RRP7A: variants seen among roughly 807,000 people sequenced by gnomAD.
RRP7A encodes ribosomal RNA-processing protein 7 homolog A.
Under a neutral mutation model 38.4 loss-of-function variants are expected in RRP7A, and 27 were observed. The observed-to-expected ratio is 0.70, with a 90% CI of 0.52 to 0.97. The LOEUF is 0.97. RRP7A is among the 50% of genes least tolerant of loss of function. RRP7A has a pLI of 0.00. For missense variants in RRP7A, 327 were observed against 375.4 expected (o/e 0.87, Z 1.07); for synonymous variants, 124 against 150.3 (o/e 0.83, Z 1.28).
Position 42,508,843 on chromosome 22 carries a change from GT to G in RRP7A, c.*4066del, listed in dbSNP as rs544372067. ...GAGAACAGACTTGGAGAGGGCAGGAGTCTCTGGCCACCAGGGGCTAAAGAGC... is the reference window on the plus strand; with the variant it reads ...GAGAACAGACTTGGAGAGGGCAGGAGCTCTGGCCACCAGGGGCTAAAGAGC... On this transcript the variant is annotated 3_prime_UTR_variant, in exon 7 of 7. Transcript: ENST00000323013. 1.2e-4 allele frequency among the ~76,000 whole-genome samples: 18 copies of G among 152,338 alleles called. No homozygotes were observed. In the East Asian group the frequency reaches 3.3e-3, roughly 28 times the overall value.
Position 42,510,654 on chromosome 22 carries a change from C to G in RRP7A, c.*2256G>C, listed in dbSNP as rs765203094. 2.9e-4 allele frequency: 401 copies of G among 1,371,334 alleles called. No individual in the cohort carries two copies. Among genetic ancestry groups the G allele is most frequent in the Non-Finnish European group, 3.7e-4 (367 of 987,380 alleles). The allele number at this position is 1,371,334 out of a possible 1,614,324, so 84.9% of individuals were successfully genotyped here. On this transcript the variant is annotated 3_prime_UTR_variant, in exon 7 of 7. Coordinates refer to ENST00000323013, the MANE Select transcript of RRP7A (RefSeq NM_015703.5). ...AGAGCAGTCCACGGATATTTTGATC[C>G]AAGAGAGAATTACTCTGACAAGGAG...
intron 2 of RRP7A, 25 bp from the exon 3 acceptor site, chr22:42,516,161 G>C (rs530297667): frequency 6.2e-7 from 1 of 1,611,272 alleles, no homozygotes; most frequent in Admixed American, 1.7e-5. Flanking sequence ...GGGAAGCCAA[G>C]TGTGAGCATC....
Position 42,508,952 on chromosome 22 carries a change from C to T in RRP7A, c.*3958G>A. 3 of 1,603,304 alleles carry T rather than the reference C, an allele frequency of 1.9e-6. No homozygotes were observed. Among genetic ancestry groups the T allele is most frequent in the Non-Finnish European group, 8.5e-7 (1 of 1,173,718 alleles). On this transcript the variant is annotated 3_prime_UTR_variant, in exon 7 of 7. Coordinates refer to ENST00000323013, the MANE Select transcript of RRP7A (RefSeq NM_015703.5). The stretch of plus-strand genomic sequence containing the variant: ...TGCCCTCGCCAGGGCTTAGCCACCC[C>T]AACAGAGATGGGTTTCGTGCCCACG...
At chr22:42,514,414 G>C in intron 5 of RRP7A, 110 bp from the exon 6 acceptor site, 4 of 787,132 alleles carry the variant, frequency 5.1e-6, no homozygotes, top group Non-Finnish European at 8.1e-6. Flanking sequence ...CCGCAGGGGA[G>C]GGCTGCTCCC....
intron 1 of RRP7A, chr22:42,518,544 C>CG (rs1365756379): frequency 4.5e-6 from 2 of 442,450 alleles, no homozygotes; most frequent in African/African-American, 4.0e-5. Context: ...TCTGTTCCCC[C>CG]GGGTACACCA....
At chr22:42,514,371 C>A (rs897543598) in intron 5 of RRP7A, 67 bp from the exon 6 acceptor site, 48 of 1,182,420 alleles carry the variant, frequency 4.1e-5, no homozygotes, top group Middle Eastern at 2.7e-4. Context: ...GCCCTCCACG[C>A]CCTCCTCCCA....
In RRP7A at chr22:42,512,843, C is replaced by T. The variant is rs1469462555; in HGVS notation, c.*67G>A. 1.1e-5 allele frequency: 16 copies of T among 1,513,960 alleles called. No homozygotes were observed. The highest frequency in any genetic ancestry group is 8.2e-5 in the African/African-American group (6 of 72,952). 93.8% of individuals were successfully genotyped at this position (1,513,960 alleles called of 1,614,324 possible). A position where few individuals can be genotyped will look rare whatever the true frequency, so the allele number is the denominator to read the frequency against. ...GGCCAGAGCTCGGCCTCTCAGAGAC[C>T]GCTGCAGGCCCTGCCTCGCCTCCTC... On this transcript the variant is annotated 3_prime_UTR_variant, in exon 7 of 7. Transcript: ENST00000323013.
At chr22:42,517,422 T>C (rs1292491921) in intron 2 of RRP7A, among the ~76,000 whole-genome samples, 1 of 151,788 alleles carries the variant, frequency 6.6e-6, no homozygotes, top group Non-Finnish European at 1.5e-5. Context: ...TATACTTTCC[T>C]ACTTTTAAAT....
In RRP7A at chr22:42,511,867, C is replaced by G; in HGVS notation, c.*1043G>C. The stretch of plus-strand genomic sequence containing the variant: ...CCCTGGCCTCGGCCCTGCCCTGTCC[C>G]TGCCATGCAACTTCACAACTCAGCT... On this transcript the variant is annotated 3_prime_UTR_variant, in exon 7 of 7. Coordinates refer to ENST00000323013, the MANE Select transcript of RRP7A (RefSeq NM_015703.5). The G allele has an allele frequency of 1.8e-6, 1 of 558,642 alleles. No individual in the cohort carries two copies. Among genetic ancestry groups the G allele is most frequent in the South Asian group, 2.0e-5 (1 of 49,428 alleles). 34.6% of individuals were successfully genotyped at this position (558,642 alleles called of 1,614,324 possible). A position where few individuals can be genotyped will look rare whatever the true frequency, so the allele number is the denominator to read the frequency against.
chr22:42,509,695 C>A lies in RRP7A; in HGVS notation c.*3215G>T, dbSNP rs1373951218. ...TGACATGGGCTCCAGCATGGATGAG[C>A]CTTGAAAACATCGCACTAAGTGGAT... is the stretch of plus-strand genomic sequence containing the variant. On this transcript the variant is annotated 3_prime_UTR_variant, in exon 7 of 7. Coordinates refer to ENST00000323013, the MANE Select transcript of RRP7A (RefSeq NM_015703.5). Among the ~76,000 whole-genome samples, 4 of 151,922 alleles carry A rather than the reference C, an allele frequency of 2.6e-5. 1 individual carries two copies. The highest frequency in any genetic ancestry group is 4.4e-5 in the Non-Finnish European group (3 of 68,004).
Position 42,519,700 on chromosome 22 carries a change from C to T in RRP7A, c.73+14G>A. On this transcript the variant is annotated intron_variant, in intron 1 of 6. Transcript: ENST00000323013. ...GCCTGACCGCCCCCGGTCTCGCGTC[C>T]CGGAGCCCCTCACCTGCGTAGCCCA... The T allele has an allele frequency of 6.9e-7, 1 of 1,446,450 alleles. No individual in the cohort carries two copies. The highest frequency in any genetic ancestry group is 1.4e-5 in the South Asian group (1 of 73,966). 89.6% of individuals were successfully genotyped at this position (1,446,450 alleles called of 1,614,324 possible).
At chr22:42,514,516 C>T (rs1920925206) in intron 5 of RRP7A, among the ~76,000 whole-genome samples, 166 bp downstream of exon 5, 1 of 152,128 alleles carries the variant, frequency 6.6e-6, no homozygotes, top group African/African-American at 2.4e-5. Context: ...CATGTGGAGA[C>T]TACATGTGTC....
chr22:42,517,593 C>T (rs1920934085), intron 2 of RRP7A, among the ~76,000 whole-genome samples: 1 of 152,056 alleles, frequency 6.6e-6, no homozygotes, highest in Non-Finnish European at 1.5e-5. Context: ...GATCTTGGCT[C>T]ACTGCAACCT....
chr22:42,510,860 G>T lies in RRP7A; in HGVS notation c.*2050C>A, dbSNP rs2043429834. On this transcript the variant is annotated 3_prime_UTR_variant, in exon 7 of 7. Coordinates refer to ENST00000323013, the MANE Select transcript of RRP7A (RefSeq NM_015703.5). ...AACAAGTGACCACCAGGATCTATCAGGCCTCATGCTCCAGTGATCAGTCCC... is the reference window on the plus strand; with the variant it reads ...AACAAGTGACCACCAGGATCTATCATGCCTCATGCTCCAGTGATCAGTCCC... 2 of 1,053,810 alleles carry T rather than the reference G, an allele frequency of 1.9e-6. No individual in the cohort carries two copies. Among genetic ancestry groups the T allele is most frequent in the African/African-American group, 3.4e-5 (2 of 59,288 alleles). 65.3% of individuals were successfully genotyped at this position (1,053,810 alleles called of 1,614,324 possible).
chr22:42,509,823 G>A lies in RRP7A; in HGVS notation c.*3087C>T, dbSNP rs1217409299. On this transcript the variant is annotated 3_prime_UTR_variant, in exon 7 of 7. Coordinates refer to ENST00000323013, the MANE Select transcript of RRP7A (RefSeq NM_015703.5). ...AGCCAGGTCATGGTTGCTCAGGACC[G>A]GAAGCCTGTTGGGGGTGGGGGGGTG... The A allele has an allele frequency of 3.6e-5, 5 of 138,340 alleles. No individual in the cohort carries two copies. The highest frequency in any genetic ancestry group is 7.9e-5 in the African/African-American group (3 of 37,850). 8.6% of individuals were successfully genotyped at this position (138,340 alleles called of 1,614,324 possible).
At chr22:42,515,601 C>T (rs114505801) in intron 3 of RRP7A, among the ~76,000 whole-genome samples, 2 of 152,144 alleles carry the variant, frequency 1.3e-5, no homozygotes, top group Non-Finnish European at 2.9e-5. Flanking sequence ...CAGGCCTGGG[C>T]GCACACACCA....
In RRP7A at chr22:42,512,291, C is replaced by CT. The variant is rs201277626; in HGVS notation, c.*618dup. The CT allele has an allele frequency of 0.1, 148,907 of 1,430,046 alleles. 9,265 individuals are homozygous for CT. The highest frequency in any genetic ancestry group is 0.18 in the Admixed American group (9,594 of 54,742). 88.6% of individuals were successfully genotyped at this position (1,430,046 alleles called of 1,614,324 possible). ...TGCTCCCAGACTCAACACTGGGACT[C>CT]TGAGTTCCTGAGCCCCACAACAAGG... On this transcript the variant is annotated 3_prime_UTR_variant, in exon 7 of 7. Transcript: ENST00000323013.
chr22:42,513,835 G>C (rs534498398), intron 6 of RRP7A, among the ~76,000 whole-genome samples: 194 of 152,208 alleles, frequency 1.3e-3, no homozygotes, highest in African/African-American at 4.3e-3. Flanking sequence ...AGCACTAAGT[G>C]CACAGGGACC....
Position 42,510,435 on chromosome 22 carries a change from G to C in RRP7A, c.*2475C>G, listed in dbSNP as rs183864144. The C allele has an allele frequency of 7.1e-6, 2 of 282,000 alleles. No individual in the cohort carries two copies. Among genetic ancestry groups the C allele is most frequent in the Non-Finnish European group, 1.4e-5 (2 of 145,288 alleles). The allele number at this position is 282,000 out of a possible 1,614,324, so 17.5% of individuals were successfully genotyped here. A position where few individuals can be genotyped will look rare whatever the true frequency, so the allele number is the denominator to read the frequency against. The stretch of plus-strand genomic sequence containing the variant: ...TGCCTTCAGCACTTGCTTGCGCCTG[G>C]CTTGTGCCAGCTGAGCGTGAGCTGA... On this transcript the variant is annotated 3_prime_UTR_variant, in exon 7 of 7. Coordinates refer to ENST00000323013, the MANE Select transcript of RRP7A (RefSeq NM_015703.5).
Sources: allele counts gnomAD v4.1 joint callset (sites outside exome capture counted in the v4.1 genomes callset), GRCh38; gene constraint gnomAD v4.1.1; transcripts MANE v1.5; gene names NCBI Gene and HGNC (gene_info 2026-07-23, HGNC 2026-07-21).